Variants in DAB2 observed in about 807,000 individuals in gnomAD.
DAB2 encodes the protein DAB adaptor protein 2.
DAB2 carries 28 observed loss-of-function variants against 71.6 expected under a neutral mutation model. The observed-to-expected ratio is 0.39, with a 90% confidence interval of 0.29 to 0.54. The LOEUF is 0.54. DAB2 is among the 20% of genes least tolerant of loss of function. The probability of loss-of-function intolerance (pLI) is 0.68; values close to 1 mark genes in which losing one functional copy is unlikely to be tolerated. For missense variants in DAB2, 867 were observed against 928.8 expected (o/e 0.93, Z 0.86); for synonymous variants, 345 against 339.7 (o/e 1.02, Z -0.17).
rs1449276357 is a variant in DAB2, at chr5:39,373,359, A to C, written c.*72T>G. On this transcript the variant is annotated 3_prime_UTR_variant, in exon 15 of 15. Transcript: ENST00000320816. ...GGCAGAAATCAGAACGTGTCTGGCT[A>C]TCAGCTTTGTTTTTGACTACTAAGG... is the stretch of plus-strand genomic sequence containing the variant. 1.3e-5 allele frequency: 2 copies of C among 152,554 alleles called. No individual in the cohort carries two copies. The highest frequency in any genetic ancestry group is 2.9e-5 in the Non-Finnish European group (2 of 68,022). 9.5% of individuals were successfully genotyped at this position (152,554 alleles called of 1,614,324 possible).
At position 39,377,241 on chromosome 5, in the gene DAB2, T is replaced by C. The variant is rs1158215139; in HGVS notation, c.1546A>G (p.Thr516Ala). ...VTLPQAGPWN[T>A]ASLVFNQSPS... Reference sequence around the variant, plus strand: ...GACTGATTGAAGACCAAAGATGCTGTGTTCCATGGTCCTGCCTGAGGGAGT... The same window carrying C: ...GACTGATTGAAGACCAAAGATGCTGCGTTCCATGGTCCTGCCTGAGGGAGT... The change falls in exon 12 of 15, where the codon ACA becomes GCA. Residue 516 changes from threonine (T) to alanine (A), a missense_variant. By Grantham distance (58) the Thr-to-Ala change is moderately conservative. Coordinates refer to ENST00000320816, the MANE Select transcript of DAB2 (RefSeq NM_001343.4). 1.9e-6 allele frequency: 3 copies of C among 1,614,124 alleles called. No homozygotes were observed. The highest frequency in any genetic ancestry group is 1.7e-5 in the Admixed American group (1 of 60,014).
Position 39,390,489 on chromosome 5 carries a change from T to C in DAB2, c.417A>G (p.Gly139=). ...CAAAAAACTGATGCTGGCCTTCTCCTCCACACACGTAACCAAATGCCCGGT... is the reference window on the plus strand; with the variant it reads ...CAAAAAACTGATGCTGGCCTTCTCCCCCACACACGTAACCAAATGCCCGGT... The part of the protein sequence containing the change: ...TDNRAFGYVC[G]GEGQHQFFAI... Residue 139 remains glycine (G), a synonymous_variant, in exon 5 of 15, where the codon GGA becomes GGG. Coordinates refer to ENST00000320816, the MANE Select transcript of DAB2 (RefSeq NM_001343.4). 1 of 1,614,064 alleles carries C rather than the reference T, an allele frequency of 6.2e-7. No individual in the cohort carries two copies. Among genetic ancestry groups the C allele is most frequent in the Non-Finnish European group, 8.5e-7 (1 of 1,179,986 alleles).
chr5:39,413,952 A>G (rs1755788015), intron 1 of DAB2, among the ~76,000 whole-genome samples: 1 of 152,196 alleles, frequency 6.6e-6, no homozygotes, highest in South Asian at 2.1e-4. Flanking sequence ...CATATCTGAA[A>G]TCACATAGAA....
intron 10 of DAB2, 82 bp from the exon 11 acceptor site, chr5:39,381,698 C>A: frequency 3.4e-6 from 5 of 1,480,432 alleles, no homozygotes; most frequent in Non-Finnish European, 3.7e-6. Flanking sequence ...CTACCCTATA[C>A]CCCAATTTGA....
chr5:39,379,549 C>T (rs1425274786), intron 11 of DAB2, among the ~76,000 whole-genome samples: 1 of 151,958 alleles, frequency 6.6e-6, no homozygotes, highest in African/African-American at 2.4e-5. Context: ...CCACCAAATC[C>T]CCACATTGTG....
chr5:39,380,412 G>C (rs1754951723), intron 11 of DAB2, among the ~76,000 whole-genome samples: 3 of 152,210 alleles, frequency 2.0e-5, no homozygotes, highest in Admixed American at 1.3e-4. Flanking sequence ...CCTGATGACT[G>C]ACTGCAGGAG....
chr5:39,410,417 A>C (rs1383130818), intron 1 of DAB2, among the ~76,000 whole-genome samples: 1 of 152,174 alleles, frequency 6.6e-6, no homozygotes, highest in Non-Finnish European at 1.5e-5. Flanking sequence ...ATTAATATGA[A>C]GTAATAGCCC....
chr5:39,389,587 T>C (rs1755175911), intron 6 of DAB2, among the ~76,000 whole-genome samples: 1 of 152,188 alleles, frequency 6.6e-6, no homozygotes, highest in South Asian at 2.1e-4. Context: ...CTCGGCTGAC[T>C]GCAACCTCTG....
chr5:39,397,401 C>T (rs560507620), intron 1 of DAB2, among the ~76,000 whole-genome samples: 33 of 152,266 alleles, frequency 2.2e-4, no homozygotes, highest in African/African-American at 7.9e-4. Flanking sequence ...AATGTCTTAA[C>T]TTTGTCCCCT....
At chr5:39,390,019 A>C in intron 5 of DAB2, 87 bp from the exon 6 acceptor site, 1 of 881,670 alleles carries the variant, frequency 1.1e-6, no homozygotes, top group Non-Finnish European at 1.7e-6. Context: ...TCATACTGGG[A>C]TTTTTTTTTT....
At chr5:39,384,933 GCAAA>G in intron 9 of DAB2, among the ~76,000 whole-genome samples, 1 of 151,956 alleles carries the variant, frequency 6.6e-6, no homozygotes, top group South Asian at 2.1e-4. Flanking sequence ...TATAAAATTT[GCAAA>G]CTAGTAAATA....
chr5:39,418,821 T>C (rs1026686616), intron 1 of DAB2, among the ~76,000 whole-genome samples: 1 of 152,224 alleles, frequency 6.6e-6, no homozygotes, highest in African/African-American at 2.4e-5. Context: ...AGTTATTGCA[T>C]TGAGAATTGC....
At chr5:39,400,488 T>C (rs1385454641) in intron 1 of DAB2, among the ~76,000 whole-genome samples, 1 of 152,104 alleles carries the variant, frequency 6.6e-6, no homozygotes, top group African/African-American at 2.4e-5. Flanking sequence ...TGCCTCGGCC[T>C]CCCAGAGTGC....
At chr5:39,393,130 A>AT in intron 3 of DAB2, 124 bp downstream of exon 3, 1 of 971,488 alleles carries the variant, frequency 1.0e-6, no homozygotes, top group Non-Finnish European at 1.6e-6. Context: ...GGCACTACTG[A>AT]TGGATAATGT....
chr5:39,392,002 T>A, intron 4 of DAB2, among the ~76,000 whole-genome samples: 1 of 147,732 alleles, frequency 6.8e-6, no homozygotes, highest in East Asian at 1.9e-4. Flanking sequence ...ATAGAAGTTT[T>A]ACTTTATAAA....
intron 1 of DAB2, among the ~76,000 whole-genome samples, chr5:39,415,624 T>C (rs1755827350): frequency 6.6e-6 from 1 of 152,166 alleles, no homozygotes; most frequent in Non-Finnish European, 1.5e-5. Context: ...CAGCTTGCTT[T>C]AGTTATTTAA....
intron 1 of DAB2, among the ~76,000 whole-genome samples, chr5:39,416,152 T>C (rs910868680): frequency 1.3e-5 from 2 of 152,102 alleles, no homozygotes; most frequent in African/African-American, 2.4e-5. Flanking sequence ...CCACGTTGTA[T>C]CATACATGTC....
At chr5:39,424,201 C>G (rs1756049978) in intron 1 of DAB2, among the ~76,000 whole-genome samples, 1 of 152,018 alleles carries the variant, frequency 6.6e-6, no homozygotes, top group South Asian at 2.1e-4. Flanking sequence ...AACAGGCAGG[C>G]AAGCACCATA....
chr5:39,412,111 A>T (rs1211784169), intron 1 of DAB2, among the ~76,000 whole-genome samples: 3 of 152,114 alleles, frequency 2.0e-5, no homozygotes, highest in Non-Finnish European at 2.9e-5. Context: ...TGGGTCCAAA[A>T]CATTCCCTTA....
Sources: gnomAD v4.1 joint callset for allele counts (sites outside exome capture counted in the v4.1 genomes callset) on GRCh38, gnomAD v4.1.1 for gene constraint, MANE v1.5 for transcripts, NCBI Gene and HGNC (gene_info 2026-07-23, HGNC 2026-07-21) for gene names.